The following PRDM5 variants were observed in gnomAD, a reference collection of about 807,000 sequenced individuals.
PRDM5 encodes the protein PR domain zinc finger protein 5.
PRDM5 carries 56 observed loss-of-function variants against 81.2 expected under a neutral mutation model. That is an observed-to-expected ratio of 0.69 (90% CI 0.56 to 0.86). PRDM5 has a LOEUF of 0.86. Ranked by LOEUF, PRDM5 falls within the 40% of genes least tolerant of loss-of-function variation. The pLI, the probability that PRDM5 is intolerant of heterozygous loss-of-function variation, is 0.00. For missense variants in PRDM5, 697 were observed against 770.1 expected (o/e 0.91, Z 1.12); for synonymous variants, 267 against 256.4 (o/e 1.04, Z -0.39).
At chr4:120,823,924 TTCCTCTATTAC>T (rs1300692140) in intron 3 of PRDM5, among the ~76,000 whole-genome samples, 1 of 152,194 alleles carries the variant, frequency 6.6e-6, no homozygotes, top group East Asian at 1.9e-4. Flanking sequence ...GAATGAGTTC[TTCCTCTATTAC>T]TTCCCCAGAG....
chr4:120,734,157 G>A (rs1740696202), intron 14 of PRDM5, among the ~76,000 whole-genome samples: 1 of 152,112 alleles, frequency 6.6e-6, no homozygotes. Flanking sequence ...AGGCAGCACA[G>A]CCAGCCTGGC....
chr4:120,905,058 C>A (rs898638748), intron 2 of PRDM5, among the ~76,000 whole-genome samples: 2 of 152,010 alleles, frequency 1.3e-5, no homozygotes, highest in African/African-American at 4.8e-5. Context: ...GAAATTAAGA[C>A]CTTGTAGAAA....
chr4:120,911,283 A>G (rs774796704), intron 1 of PRDM5, among the ~76,000 whole-genome samples: 9 of 152,204 alleles, frequency 5.9e-5, no homozygotes, highest in Non-Finnish European at 1.2e-4. Context: ...TTGTGTGTGA[A>G]ATCACTGATT....
At chr4:120,708,289 A>T (rs1263590732) in intron 15 of PRDM5, among the ~76,000 whole-genome samples, 1 of 152,158 alleles carries the variant, frequency 6.6e-6, no homozygotes, top group African/African-American at 2.4e-5. Context: ...ATAAAAATAT[A>T]ATGGAATATC....
Position 120,816,858 on chromosome 4 carries a change from G to T in PRDM5, c.717C>A (p.Cys239Ter), listed in dbSNP as rs763299037. Reference sequence around the variant, plus strand: ...TCGATGCTGAACTGAAGGAAGAATTGCAAACAGAGCACTGAAAACTTCGCG... The same window carrying T: ...TCGATGCTGAACTGAAGGAAGAATTTCAAACAGAGCACTGAAAACTTCGCG... ...ESSRSFQCSV[C>*]NSSFSSASSF... is the part of the protein sequence containing the mutation. The change falls in exon 6 of 16, where the codon TGC becomes TGA. Residue 239 changes from cysteine to a stop codon, truncating the protein, a stop_gained. Coordinates refer to ENST00000264808, the MANE Select transcript of PRDM5 (RefSeq NM_018699.4). LOFTEE classifies it high-confidence loss of function. 6.2e-7 allele frequency: 1 copy of T among 1,613,784 alleles called. No individual in the cohort carries two copies. The highest frequency in any genetic ancestry group is 1.7e-5 in the Admixed American group (1 of 60,010).
At chr4:120,846,852 T>C (rs1377585024) in intron 3 of PRDM5, among the ~76,000 whole-genome samples, 3 of 152,126 alleles carry the variant, frequency 2.0e-5, no homozygotes, top group East Asian at 1.9e-4. Context: ...GTGCTCAGCA[T>C]TGGGCCTGGT....
intron 8 of PRDM5, among the ~76,000 whole-genome samples, chr4:120,802,612 C>A (rs1752298190): frequency 1.3e-5 from 2 of 152,202 alleles, no homozygotes; most frequent in South Asian, 4.1e-4. Context: ...GAGTGGACCT[C>A]CAGCAAACTC....
intron 2 of PRDM5, among the ~76,000 whole-genome samples, chr4:120,876,540 T>C (rs954031328): frequency 6.6e-6 from 1 of 152,192 alleles, no homozygotes; most frequent in African/African-American, 2.4e-5. Context: ...GAACATATAT[T>C]GCATTATAAC....
At chr4:120,744,950 A>C (rs1282723747) in intron 14 of PRDM5, among the ~76,000 whole-genome samples, 1 of 138,546 alleles carries the variant, frequency 7.2e-6, no homozygotes, top group Non-Finnish European at 1.5e-5. Context: ...CATCATTCTG[A>C]TACCAAAGCC....
At chr4:120,812,790 C>T (rs139231756) in intron 7 of PRDM5, 1 of 413,546 alleles carries the variant, frequency 2.4e-6, no homozygotes, top group South Asian at 1.8e-5. Flanking sequence ...ATAAAACAGG[C>T]CTTTCACTTT....
intron 3 of PRDM5, among the ~76,000 whole-genome samples, chr4:120,845,632 G>C (rs1037415177): frequency 6.6e-6 from 1 of 152,192 alleles, no homozygotes; most frequent in South Asian, 2.1e-4. Flanking sequence ...CTCTGATGGA[G>C]TGTTCAAGAA....
intron 2 of PRDM5, among the ~76,000 whole-genome samples, chr4:120,863,397 G>A (rs1760860811): frequency 6.6e-6 from 1 of 151,810 alleles, no homozygotes; most frequent in African/African-American, 2.4e-5. Flanking sequence ...ACAACAATGG[G>A]CTGAGTCCTG....
At position 120,907,505 on chromosome 4, in the gene PRDM5, T is replaced by C. The variant is rs1765965264; in HGVS notation, c.146A>G (p.Asp49Gly). The change falls in exon 2 of 16, where the codon GAT becomes GGT. Residue 49 changes from aspartate (D) to glycine (G), a missense_variant. By Grantham distance (94) the Asp-to-Gly change is moderately conservative. This residue lies in a region of PRDM5 where 577 missense variants were observed against 606.7 expected (regional missense o/e 0.95). Coordinates refer to ENST00000264808, the MANE Select transcript of PRDM5 (RefSeq NM_018699.4). ...AGEKRMPEDL[D>G]ENMDYRLMWE... is the part of the protein sequence containing the mutation. ...CATCAACCTGTAATCCATATTTTCA[T>C]CCAAGTCTTCAGGCATTCTCTTCTC... 6.2e-7 allele frequency: 1 copy of C among 1,612,508 alleles called. No individual in the cohort carries two copies. Among genetic ancestry groups the C allele is most frequent in the Admixed American group, 1.7e-5 (1 of 60,000 alleles).
chr4:120,860,790 C>A (rs1483862041), intron 2 of PRDM5, among the ~76,000 whole-genome samples: 1 of 152,142 alleles, frequency 6.6e-6, no homozygotes, highest in African/African-American at 2.4e-5. Flanking sequence ...AAGCAAGTGA[C>A]TTCCATAAGC....
intron 15 of PRDM5, among the ~76,000 whole-genome samples, chr4:120,703,570 C>T (rs190637406): frequency 6.6e-6 from 1 of 152,116 alleles, no homozygotes; most frequent in African/African-American, 2.4e-5. Context: ...CTATTTCATC[C>T]CAGTGTCCAG....
intron 1 of PRDM5, among the ~76,000 whole-genome samples, chr4:120,917,984 C>CCCCTT (rs1259830985): frequency 6.6e-6 from 1 of 152,108 alleles, no homozygotes. Flanking sequence ...TACTAACAGC[C>CCCCTT]CCCTTGCAGG....
rs1322513230 is a variant in PRDM5, at chr4:120,785,089, G to A, written c.1191C>T (p.Thr397=). ...HRNVYKNHKK[T]HSEERPFQCE... is the part of the protein sequence containing the mutation. ...ATTGGAACGGTCTCTCCTCAGAGTGGGTCTGCAGAGGAAAAACACTGAGTC... is the reference window on the plus strand; with the variant it reads ...ATTGGAACGGTCTCTCCTCAGAGTGAGTCTGCAGAGGAAAAACACTGAGTC... The change falls in exon 11 of 16, where the codon ACC becomes ACT. Residue 397 remains threonine, a splice_region_variant and synonymous_variant. Coordinates refer to ENST00000264808, the MANE Select transcript of PRDM5 (RefSeq NM_018699.4). 1 of 1,604,254 alleles carries A rather than the reference G, an allele frequency of 6.2e-7. No homozygotes were observed. The highest frequency in any genetic ancestry group is 1.1e-5 in the South Asian group (1 of 90,902).
At chr4:120,849,565 C>T (rs541775514) in intron 3 of PRDM5, among the ~76,000 whole-genome samples, 1 of 152,010 alleles carries the variant, frequency 6.6e-6, no homozygotes, top group Non-Finnish European at 1.5e-5. Context: ...TTATGTAAAT[C>T]GATAAGTATG....
At chr4:120,855,797 A>G (rs1048665928) in intron 2 of PRDM5, among the ~76,000 whole-genome samples, 6 of 152,202 alleles carry the variant, frequency 3.9e-5, no homozygotes, top group African/African-American at 1.4e-4. Context: ...TGTTACTGAA[A>G]TCCACACAAG....
Sources: allele counts gnomAD v4.1 joint callset (sites outside exome capture counted in the v4.1 genomes callset), GRCh38; gene constraint gnomAD v4.1.1; regional missense constraint gnomAD v4.1.1; transcripts MANE v1.5; gene names NCBI Gene and HGNC (gene_info 2026-07-23, HGNC 2026-07-21).